The following RBFOX1 variants were observed in gnomAD, a reference collection of about 807,000 sequenced individuals.
RBFOX1 encodes RNA binding fox-1 homolog 1.
Under a neutral mutation model 57.7 loss-of-function variants are expected in RBFOX1, and 8 were observed. The ratio of observed to expected loss-of-function variants is 0.14; its 90% CI spans 0.08 to 0.25. The LOEUF is 0.25. Among genes scored for constraint, RBFOX1 ranks in the 10% least tolerant of loss-of-function variants. The pLI is 1.00. For missense variants in RBFOX1, 611 were observed against 548.5 expected (o/e 1.11, Z -1.14); for synonymous variants, 326 against 222.4 (o/e 1.47, Z -4.15).
intron 2 of RBFOX1, among the ~76,000 whole-genome samples, chr16:5,554,444 A>G (rs2342528): frequency 1.7e-4 from 26 of 152,076 alleles, no homozygotes; most frequent in Admixed American, 1.4e-3. Flanking sequence ...CTTCTAAAAC[A>G]TTAAAAAGTA....
intron 2 of RBFOX1, among the ~76,000 whole-genome samples, chr16:5,566,582 ATGTATATATGTG>A (rs1485921834): frequency 6.6e-6 from 1 of 151,322 alleles, no homozygotes; most frequent in Non-Finnish European, 1.5e-5. Context: ...ATATATATAT[ATGTATATATGTG>A]TGTATATATG....
intron 1 of RBFOX1, among the ~76,000 whole-genome samples, chr16:5,425,079 A>ATCTG (rs2067510392): frequency 1.6e-5 from 2 of 126,586 alleles, no homozygotes; most frequent in Non-Finnish European, 3.3e-5. Flanking sequence ...CTATCTATCT[A>ATCTG]TCTATCTATC....
chr16:7,097,720 C>T (rs1053195850), intron 4 of RBFOX1, among the ~76,000 whole-genome samples: 2 of 152,156 alleles, frequency 1.3e-5, no homozygotes, highest in Admixed American at 6.5e-5. Flanking sequence ...ACAATGATTC[C>T]TTCACAGATG....
intron 4 of RBFOX1, among the ~76,000 whole-genome samples, chr16:7,504,734 TATATATATATATATATATA>T (rs2072327860): frequency 1.3e-4 from 1 of 7,536 alleles, no homozygotes; most frequent in Non-Finnish European, 4.5e-4. Flanking sequence ...TATATATATA[TATATATATATATATATATA>T]TTTATATATA....
chr16:6,365,567 G>A (rs1172122664), intron 2 of RBFOX1, among the ~76,000 whole-genome samples: 1 of 152,172 alleles, frequency 6.6e-6, no homozygotes, highest in Admixed American at 6.5e-5. Flanking sequence ...CTCTTTCTCT[G>A]GGGAGGGGCA....
intron 3 of RBFOX1, among the ~76,000 whole-genome samples, chr16:5,794,212 C>A (rs1173907582): frequency 6.6e-6 from 1 of 152,146 alleles, no homozygotes; most frequent in Non-Finnish European, 1.5e-5. Flanking sequence ...TGCATGGAAA[C>A]GTACAGAAAA....
intron 4 of RBFOX1, among the ~76,000 whole-genome samples, chr16:7,499,103 G>C (rs2069726085): frequency 6.6e-6 from 1 of 152,160 alleles, no homozygotes. Context: ...TGGGTGACTT[G>C]AAATAGAAAT....
chr16:7,509,398 G>GTGTGTGTGTGTGTGTCTGTGTC (rs1457129760), intron 4 of RBFOX1, among the ~76,000 whole-genome samples: 37 of 31,586 alleles, frequency 1.2e-3, no homozygotes, highest in African/African-American at 2.5e-3. Flanking sequence ...CCCTGTGTGT[G>GTGTGTGTGTGTGTGTCTGTGTC]TGTGTGTGTG....
intron 4 of RBFOX1, among the ~76,000 whole-genome samples, chr16:7,192,566 T>C (rs547600669): frequency 6.6e-6 from 1 of 152,254 alleles, no homozygotes; most frequent in East Asian, 1.9e-4. Context: ...AGCAAAATAC[T>C]ATGTGAAATC....
intron 4 of RBFOX1, among the ~76,000 whole-genome samples, chr16:5,972,859 T>C (rs1404569149): frequency 6.6e-6 from 1 of 152,210 alleles, no homozygotes; most frequent in African/African-American, 2.4e-5. Context: ...AAATCTTGTC[T>C]TCAAGATCAG....
chr16:7,343,331 C>T (rs904489491), intron 4 of RBFOX1, among the ~76,000 whole-genome samples: 1 of 152,104 alleles, frequency 6.6e-6, no homozygotes, highest in Non-Finnish European at 1.5e-5. Context: ...TGCTATGGAT[C>T]AGTGTCCAGG....
chr16:5,706,800 G>C (rs966423861), intron 3 of RBFOX1, among the ~76,000 whole-genome samples: 1 of 152,040 alleles, frequency 6.6e-6, no homozygotes, highest in African/African-American at 2.4e-5. Context: ...TTAATGTTCT[G>C]TGAGAGTGGG....
intron 4 of RBFOX1, among the ~76,000 whole-genome samples, chr16:5,990,432 T>A (rs2060372341): frequency 6.6e-6 from 1 of 152,204 alleles, no homozygotes; most frequent in Non-Finnish European, 1.5e-5. Flanking sequence ...CCAAACTTAT[T>A]CACATTCGAG....
At chr16:6,098,037 T>C (rs934269376) in intron 1 of RBFOX1, among the ~76,000 whole-genome samples, 1 of 152,178 alleles carries the variant, frequency 6.6e-6, no homozygotes, top group Non-Finnish European at 1.5e-5. Flanking sequence ...TCACTTGGCA[T>C]AGCAAGGGGT....
chr16:7,309,653 A>G (rs969301814), intron 4 of RBFOX1, among the ~76,000 whole-genome samples: 2 of 152,192 alleles, frequency 1.3e-5, no homozygotes, highest in Admixed American at 6.5e-5. Flanking sequence ...TCATTTAACC[A>G]GGTTCTCTGC....
intron 4 of RBFOX1, among the ~76,000 whole-genome samples, chr16:7,497,459 T>G (rs1310318625): frequency 1.3e-5 from 2 of 152,190 alleles, no homozygotes; most frequent in African/African-American, 4.8e-5. Flanking sequence ...CTATAATAAT[T>G]TATACTTATA....
chr16:6,651,374 G>T (rs1602757233), intron 2 of RBFOX1, among the ~76,000 whole-genome samples: 1 of 94,334 alleles, frequency 1.1e-5, no homozygotes, highest in South Asian at 2.9e-4. Flanking sequence ...TCTGGCCTCT[G>T]ACTACTTCTC....
At chr16:5,408,349 A>G (rs953705533) in intron 1 of RBFOX1, among the ~76,000 whole-genome samples, 29 of 152,194 alleles carry the variant, frequency 1.9e-4, no homozygotes, top group African/African-American at 6.5e-4. Flanking sequence ...GAATCAATAC[A>G]TTCCTTTTTT....
At chr16:6,925,944 C>T (rs1161412520) in intron 3 of RBFOX1, among the ~76,000 whole-genome samples, 2 of 151,910 alleles carry the variant, frequency 1.3e-5, no homozygotes, top group African/African-American at 4.8e-5. Flanking sequence ...ATTTTAGTAA[C>T]CTAAACTCAT....
Sources: allele counts gnomAD v4.1 joint callset (sites outside exome capture counted in the v4.1 genomes callset), GRCh38; gene constraint gnomAD v4.1.1; transcripts MANE v1.5; gene names NCBI Gene and HGNC (gene_info 2026-07-23, HGNC 2026-07-21).